DNAI1: variants seen among roughly 807,000 people sequenced by gnomAD.
DNAI1 encodes dynein, axonemal, intermediate polypeptide 1.
DNAI1 carries 67 observed loss-of-function variants against 92.0 expected under a neutral mutation model. That is an observed-to-expected ratio of 0.73 (90% confidence interval 0.60 to 0.89). DNAI1 has a LOEUF of 0.89. DNAI1 is among the 40% of genes least tolerant of loss of function. DNAI1 has a pLI of 0.00. For synonymous variants in DNAI1, 323 were observed against 319.6 expected (o/e 1.01, Z -0.11); for missense variants, 839 against 866.6 (o/e 0.97, Z 0.40).
intron 4 of DNAI1, among the ~76,000 whole-genome samples, chr9:34,487,784 C>T (rs4878572): frequency 0.48 from 72,650 of 151,916 alleles, 18,980 homozygotes; most frequent in African/African-American, 0.69. Flanking sequence ...TACCCAACCT[C>T]CCAATAGCCT....
chr9:34,466,190 T>C (rs560553561), intron 1 of DNAI1, among the ~76,000 whole-genome samples: 1 of 152,366 alleles, frequency 6.6e-6, no homozygotes, highest in East Asian at 1.9e-4. Flanking sequence ...ACACTAACTT[T>C]TCTTTCTTGG....
At chr9:34,517,244 C>A (rs763868984) in intron 18 of DNAI1, 41 bp from the exon 19 acceptor site, 1 of 1,604,228 alleles carries the variant, frequency 6.2e-7, no homozygotes, top group Admixed American at 1.7e-5. Context: ...GGAAGACAGG[C>A]CTCATTACCC....
chr9:34,496,408 A>G (rs953992855), intron 9 of DNAI1, among the ~76,000 whole-genome samples: 1 of 152,220 alleles, frequency 6.6e-6, no homozygotes, highest in African/African-American at 2.4e-5. Context: ...TGTTAGTCCC[A>G]AACTCTTTGC....
intron 1 of DNAI1, among the ~76,000 whole-genome samples, chr9:34,474,744 T>A (rs1193624385): frequency 2.0e-5 from 3 of 151,862 alleles, no homozygotes; most frequent in East Asian, 1.9e-4. Context: ...AATTTTTGTA[T>A]TTTTAGTAGA....
chr9:34,471,866 C>A (rs1173413964), intron 1 of DNAI1, among the ~76,000 whole-genome samples: 1 of 151,904 alleles, frequency 6.6e-6, no homozygotes, highest in African/African-American at 2.4e-5. Flanking sequence ...AAAACATTGA[C>A]AAGATTAAAC....
At position 34,520,769 on chromosome 9, in the gene DNAI1, A is replaced by T. The variant is rs1024836605; in HGVS notation, c.*13A>T. On this transcript the variant is annotated 3_prime_UTR_variant, in exon 20 of 20. Coordinates refer to ENST00000242317, the MANE Select transcript of DNAI1 (RefSeq NM_012144.4). ...AATCAAGACCTGAGGGGCTGGCCTC[A>T]GTCTCTGTCCCATCGCTTGAATACA... The T allele has an allele frequency of 6.4e-7, 1 of 1,551,480 alleles. No individual in the cohort carries two copies. Among genetic ancestry groups the T allele is most frequent in the Middle Eastern group, 1.7e-4 (1 of 5,986 alleles).
chr9:34,475,197 T>A (rs1251488929), intron 1 of DNAI1, among the ~76,000 whole-genome samples: 1 of 152,220 alleles, frequency 6.6e-6, no homozygotes, highest in Non-Finnish European at 1.5e-5. Context: ...GCTTTTAACC[T>A]TTTAGAAACG....
At chr9:34,500,942 G>T in intron 11 of DNAI1, 103 bp downstream of exon 11, 1 of 1,065,110 alleles carries the variant, frequency 9.4e-7, no homozygotes, top group South Asian at 1.3e-5. Context: ...TATGACATGT[G>T]ACAGTATAGA....
intron 4 of DNAI1, among the ~76,000 whole-genome samples, chr9:34,486,502 G>A (rs1243546044): frequency 6.6e-6 from 1 of 151,664 alleles, no homozygotes; most frequent in East Asian, 1.9e-4. Context: ...AGAAACCTAT[G>A]GTACAAATTT....
rs908149058 is a variant in DNAI1 at position 34,497,200 on chromosome 9, G to T, written c.901+1G>T. ...AATACATATGATGACATTGCTCAAG[G>T]TAAGAGTTGAAGTTCTGGCAACCAC... is the stretch of plus-strand genomic sequence containing the variant. On this transcript the variant is annotated splice_donor_variant, in intron 10 of 19. Coordinates refer to ENST00000242317, the MANE Select transcript of DNAI1 (RefSeq NM_012144.4). LOFTEE classifies it high-confidence loss of function. 2 of 1,613,006 alleles carry T rather than the reference G, an allele frequency of 1.2e-6. No homozygotes were observed. Among genetic ancestry groups the T allele is most frequent in the Non-Finnish European group, 8.5e-7 (1 of 1,178,986 alleles).
At chr9:34,474,130 T>G (rs536196959) in intron 1 of DNAI1, among the ~76,000 whole-genome samples, 2 of 152,326 alleles carry the variant, frequency 1.3e-5, no homozygotes, top group African/African-American at 4.8e-5. Flanking sequence ...TTACCTAGAC[T>G]CCTATTGGCG....
intron 4 of DNAI1, among the ~76,000 whole-genome samples, chr9:34,486,577 C>T (rs1824476467): frequency 6.6e-6 from 1 of 152,142 alleles, no homozygotes; most frequent in Non-Finnish European, 1.5e-5. Flanking sequence ...CGTCCTCTTT[C>T]CTGAAGACAA....
In DNAI1 at chr9:34,491,532, A is replaced by G. The variant is rs1048950991; in HGVS notation, c.659A>G (p.Asn220Ser). 3 of 1,613,962 alleles carry G rather than the reference A, an allele frequency of 1.9e-6. No individual in the cohort carries two copies. The African/African-American group carries it at 4.0e-5, about 22-fold the overall frequency. ...CAGACGGAGCCTCCTCCCAGGACAA[A>G]CTTTTCAGCCACAGCCAATCAGGTA... is the stretch of plus-strand genomic sequence containing the variant. Reference protein sequence around the residue: ...ECQTEPPPRTNFSATANQWEI... With the variant: ...ECQTEPPPRTSFSATANQWEI... The change falls in exon 8 of 20, where the codon AAC (asparagine) becomes AGC (serine). Residue 220 changes from asparagine to serine, a missense_variant. Asn to Ser is a conservative substitution (Grantham distance 46). Coordinates refer to ENST00000242317, the MANE Select transcript of DNAI1 (RefSeq NM_012144.4).
intron 1 of DNAI1, among the ~76,000 whole-genome samples, chr9:34,462,496 C>A (rs1050921722): frequency 1.3e-5 from 2 of 152,146 alleles, no homozygotes; most frequent in African/African-American, 4.8e-5. Context: ...CTGTCTTGTT[C>A]ATTGTTGATT....
At chr9:34,502,776 C>T (rs904039986) in intron 12 of DNAI1, among the ~76,000 whole-genome samples, 6 of 152,000 alleles carry the variant, frequency 3.9e-5, no homozygotes, top group Non-Finnish European at 8.8e-5. Context: ...TGGTACCCGT[C>T]GTCAGCTACA....
At chr9:34,487,277 C>G (rs1297332832) in intron 4 of DNAI1, among the ~76,000 whole-genome samples, 1 of 152,030 alleles carries the variant, frequency 6.6e-6, no homozygotes, top group East Asian at 1.9e-4. Context: ...GCTCCGCCTC[C>G]CGGGTTCATG....
At chr9:34,482,841 C>A (rs527338577) in intron 1 of DNAI1, among the ~76,000 whole-genome samples, 3 of 152,234 alleles carry the variant, frequency 2.0e-5, no homozygotes, top group Admixed American at 1.3e-4. Flanking sequence ...AGGCTGGGGC[C>A]GCACAAGAGC....
At chr9:34,503,957 A>C (rs1302093421) in intron 12 of DNAI1, among the ~76,000 whole-genome samples, 2 of 152,206 alleles carry the variant, frequency 1.3e-5, no homozygotes, top group Non-Finnish European at 2.9e-5. Flanking sequence ...AGCCGGCTGT[A>C]CTGAAGGGGT....
At chr9:34,478,547 C>G (rs985388460) in intron 1 of DNAI1, 2 of 152,220 alleles carry the variant, frequency 1.3e-5, no homozygotes, top group African/African-American at 4.8e-5. Context: ...GCTAGTGATC[C>G]AAAGACGAAT....
Sources: gnomAD v4.1 joint callset for allele counts (sites outside exome capture counted in the v4.1 genomes callset) on GRCh38, gnomAD v4.1.1 for gene constraint, MANE v1.5 for transcripts, NCBI Gene and HGNC (gene_info 2026-07-23, HGNC 2026-07-21) for gene names.